Variants in ABLIM2 observed in about 807,000 individuals in gnomAD.
ABLIM2 encodes the protein actin binding LIM protein family member 2.
A neutral mutation model predicts 97.7 loss-of-function variants in ABLIM2; 53 were observed. That is an observed-to-expected ratio of 0.54 (90% CI 0.44 to 0.68). ABLIM2 has a LOEUF of 0.68. Ranked by LOEUF, ABLIM2 falls within the 30% of genes least tolerant of loss-of-function variation. ABLIM2 has a pLI of 0.00. For synonymous variants in ABLIM2, 361 were observed against 345.8 expected, an observed-to-expected ratio of 1.04 and a Z score of -0.49; for missense variants, 835 against 867.2, an observed-to-expected ratio of 0.96 and a Z score of 0.47.
intron 1 of ABLIM2, among the ~76,000 whole-genome samples, chr4:8,119,840 G>A (rs1844475032): frequency 6.6e-6 from 1 of 152,178 alleles, no homozygotes; most frequent in South Asian, 2.1e-4. Context: ...AACTCCACTA[G>A]CCCTGAGTGA....
At position 8,019,367 on chromosome 4, in the gene ABLIM2, C is replaced by T. The variant is rs1771879577; in HGVS notation, c.1423+251G>A. On this transcript the variant is annotated intron_variant, in intron 14 of 20. Coordinates refer to ENST00000447017, the MANE Select transcript of ABLIM2 (RefSeq NM_001130083.2). This position sits in a 1 kb window ranked among gnomAD's most constrained non-coding sequence, Gnocchi z 4.3. ...TATAAACCCCCATCCCAAGCCCTGGCTGATGTGCATTAGCCTCGGCGTCGT... is the reference window on the plus strand; with the variant it reads ...TATAAACCCCCATCCCAAGCCCTGGTTGATGTGCATTAGCCTCGGCGTCGT... Among the ~76,000 whole-genome samples the T allele has an allele frequency of 6.6e-6, 1 of 152,196 alleles. No homozygotes were observed. Among genetic ancestry groups the T allele is most frequent in the South Asian group, 2.1e-4 (1 of 4,822 alleles).
At chr4:8,151,313 T>TG (rs1712658073) in intron 1 of ABLIM2, among the ~76,000 whole-genome samples, 1 of 152,162 alleles carries the variant, frequency 6.6e-6, no homozygotes, top group Non-Finnish European at 1.5e-5. Context: ...AAGCTGCTGA[T>TG]GGCGAGAAGC....
intron 20 of ABLIM2, among the ~76,000 whole-genome samples, chr4:7,978,459 G>A (rs1219419810): frequency 6.6e-6 from 1 of 152,156 alleles, no homozygotes; most frequent in Non-Finnish European, 1.5e-5. Context: ...CCAAAAAAAA[G>A]TGAAATAGAA....
chr4:7,990,959 C>T (rs1748229332), intron 17 of ABLIM2, among the ~76,000 whole-genome samples: 1 of 152,202 alleles, frequency 6.6e-6, no homozygotes, highest in Non-Finnish European at 1.5e-5. Context: ...TAAGAATCTC[C>T]ACGTGATGAT....
chr4:8,070,964 C>T (rs903607031), intron 6 of ABLIM2, among the ~76,000 whole-genome samples: 1 of 152,156 alleles, frequency 6.6e-6, no homozygotes, highest in Non-Finnish European at 1.5e-5. Context: ...TGGAAACAGG[C>T]ACCCCCACTC....
In ABLIM2 at chr4:8,036,143, C is replaced by A. The variant is rs376985026; in HGVS notation, c.1047+6G>T. 7 of 1,613,422 alleles carry A rather than the reference C, an allele frequency of 4.3e-6. No individual in the cohort carries two copies. Among genetic ancestry groups the A allele is most frequent in the Middle Eastern group, 1.6e-4 (1 of 6,076 alleles). ...GTGTCCAGGGCCATGTGGGCAGGGT[C>A]CATACCTCGCCGTAGCTCTGCCTGT... On this transcript the variant is annotated splice_donor_region_variant and intron_variant, in intron 10 of 20. Transcript: ENST00000447017.
chr4:7,994,001 G>A, intron 16 of ABLIM2: 1 of 488,100 alleles, frequency 2.0e-6, no homozygotes. Flanking sequence ...GCTCAGAGGT[G>A]GTGTGGTTGC....
rs10584281 is a variant in ABLIM2, at chr4:8,056,931, C to CA, written c.764-2686dup. The stretch of plus-strand genomic sequence containing the variant: ...TGGGCGACAGAGCGAAACTCCGTCT[C>CA]AAAAAAAAAAAAAAAAAAAAAAAAA... On this transcript the variant is annotated intron_variant, in intron 7 of 20. Transcript: ENST00000447017. Among the ~76,000 whole-genome samples, 113 of 43,112 alleles carry CA rather than the reference C, an allele frequency of 2.6e-3. 9 individuals are homozygous for CA. Among genetic ancestry groups the CA allele is most frequent in the African/African-American group, 7.3e-3 (68 of 9,306 alleles). 28.3% of individuals were successfully genotyped at this position (43,112 alleles called of 152,430 possible).
At chr4:8,088,448 C>T (rs566304916) in intron 3 of ABLIM2, among the ~76,000 whole-genome samples, 164 bp from the exon 4 acceptor site, 7 of 152,280 alleles carry the variant, frequency 4.6e-5, no homozygotes, top group South Asian at 2.1e-4. Flanking sequence ...GGCACTGCTG[C>T]GTCCCCGCAA....
rs867155642 is a variant in ABLIM2 at position 8,131,887 on chromosome 4, C to T, written c.11-25250G>A. ...CATCCCCTGCACAGCAGCCCGCATC[C>T]CCTGCACAGCAGCCCGCATCTCCAG... On this transcript the variant is annotated intron_variant, in intron 1 of 20. Coordinates refer to ENST00000447017, the MANE Select transcript of ABLIM2 (RefSeq NM_001130083.2). Among the ~76,000 whole-genome samples, 54 of 149,316 alleles carry T rather than the reference C, an allele frequency of 3.6e-4. 1 individual carries two copies. The Middle Eastern group carries it at 0.01, about 29-fold the overall frequency.
At chr4:8,059,643 T>C (rs780913838) in intron 7 of ABLIM2, among the ~76,000 whole-genome samples, 16 of 152,088 alleles carry the variant, frequency 1.1e-4, no homozygotes, top group Non-Finnish European at 1.8e-4. Flanking sequence ...GGATCATACC[T>C]GTAATCTCAG....
intron 7 of ABLIM2, among the ~76,000 whole-genome samples, chr4:8,060,709 G>C (rs1189350206): frequency 1.3e-5 from 2 of 152,186 alleles, no homozygotes; most frequent in African/African-American, 4.8e-5. Context: ...GCACTTCTGG[G>C]TGCTGGTCTT....
Position 8,082,403 on chromosome 4 carries a change from A to G in ABLIM2, c.455-1601T>C, listed in dbSNP as rs1820508109. Among the ~76,000 whole-genome samples the G allele has an allele frequency of 6.6e-6, 1 of 152,116 alleles. No homozygotes were observed. The highest frequency in any genetic ancestry group is 2.4e-5 in the African/African-American group (1 of 41,416). On this transcript the variant is annotated intron_variant, in intron 4 of 20. Coordinates refer to ENST00000447017, the MANE Select transcript of ABLIM2 (RefSeq NM_001130083.2). The surrounding 1 kb of genome is among the most constrained non-coding windows in gnomAD (Gnocchi z 5.6). Reference sequence around the variant, plus strand: ...TAATTTACACAGAAGACCTGGCCCAAAGCCTTGCGCATCCCGGGTGAACAG... The same window carrying G: ...TAATTTACACAGAAGACCTGGCCCAGAGCCTTGCGCATCCCGGGTGAACAG...
In ABLIM2 at chr4:8,003,238, A is replaced by G. The variant is rs1383572818; in HGVS notation, c.1618+4821T>C. ...CCTAACCTAGCAAACACCATGGCTT[A>G]GCCCAGCCTGCCTTAAACATGCTCA... On this transcript the variant is annotated intron_variant, in intron 16 of 20. Coordinates refer to ENST00000447017, the MANE Select transcript of ABLIM2 (RefSeq NM_001130083.2). This position sits in a 1 kb window ranked among gnomAD's most constrained non-coding sequence, Gnocchi z 4.2. Among the ~76,000 whole-genome samples, 1 of 152,264 alleles carries G rather than the reference A, an allele frequency of 6.6e-6. No homozygotes were observed. Among genetic ancestry groups the G allele is most frequent in the Non-Finnish European group, 1.5e-5 (1 of 68,048 alleles).
Position 8,043,954 on chromosome 4 carries a change from G to A in ABLIM2, c.900+1210C>T, listed in dbSNP as rs534576683. 4.6e-5 allele frequency among the ~76,000 whole-genome samples: 7 copies of A among 152,176 alleles called. No homozygotes were observed. Among genetic ancestry groups the A allele is most frequent in the Non-Finnish European group, 8.8e-5 (6 of 67,984 alleles). On this transcript the variant is annotated intron_variant, in intron 9 of 20. Transcript: ENST00000447017. This position sits in a 1 kb window ranked among gnomAD's most constrained non-coding sequence, Gnocchi z 4.8. ...GCCAACCTGGTGCCTTCATGCGCCC[G>A]CCTAAGCTTCAGAGTGCACATCCCA...
intron 20 of ABLIM2, among the ~76,000 whole-genome samples, chr4:7,975,948 C>G (rs568413453): frequency 2.0e-5 from 3 of 152,168 alleles, no homozygotes; most frequent in Non-Finnish European, 4.4e-5. Context: ...ATATGTCCCA[C>G]GAAGAACCAT....
Position 8,067,010 on chromosome 4 carries a change from C to T in ABLIM2, c.676-5956G>A, listed in dbSNP as rs557085250. 9.2e-5 allele frequency: 14 copies of T among 152,342 alleles called. No homozygotes were observed. The East Asian group carries it at 2.5e-3, about 27-fold the overall frequency. The allele number at this position is 152,342 out of a possible 1,614,324, so 9.4% of individuals were successfully genotyped here. On this transcript the variant is annotated intron_variant, in intron 6 of 20. Coordinates refer to ENST00000447017, the MANE Select transcript of ABLIM2 (RefSeq NM_001130083.2). This position sits in a 1 kb window ranked among gnomAD's most constrained non-coding sequence, Gnocchi z 5.4. ...GTGCTCTGCCTGCCTCAAGTTCATC[C>T]TCACAGCAGCCCCTTGGGGTGAACA...
chr4:8,006,381 G>T (rs552009466), intron 16 of ABLIM2, among the ~76,000 whole-genome samples: 14 of 152,308 alleles, frequency 9.2e-5, no homozygotes, highest in South Asian at 6.2e-4. Context: ...GTCATCAAGT[G>T]GGGGAGGTCA....
At chr4:8,111,085 G>T (rs1318101453) in intron 1 of ABLIM2, among the ~76,000 whole-genome samples, 1 of 152,240 alleles carries the variant, frequency 6.6e-6, no homozygotes, top group African/African-American at 2.4e-5. Flanking sequence ...ATTAAAAAGA[G>T]AAGTTTCAAG....
Sources: allele counts gnomAD v4.1 joint callset (sites outside exome capture counted in the v4.1 genomes callset), GRCh38; gene constraint gnomAD v4.1.1; non-coding constraint Gnocchi (gnomAD v3.1); transcripts MANE v1.5; gene names NCBI Gene and HGNC (gene_info 2026-07-23, HGNC 2026-07-21).